The following TPCN2 variants were observed in gnomAD, a reference collection of about 807,000 sequenced individuals.
The protein encoded by TPCN2 is two pore channel protein 2.
TPCN2 carries 92 observed loss-of-function variants against 111.4 expected under a neutral mutation model. The observed-to-expected ratio is 0.83, with a 90% CI of 0.70 to 0.98. The LOEUF (loss-of-function observed/expected upper bound fraction) is 0.98. Among genes scored for constraint, TPCN2 ranks in the 50% least tolerant of loss-of-function variants. The pLI, the probability that TPCN2 is intolerant of heterozygous loss-of-function variation, is 0.00. For missense variants in TPCN2, 995 were observed against 980.1 expected, an observed-to-expected ratio of 1.02 and a Z score of -0.20; for synonymous variants, 405 against 414.5, an observed-to-expected ratio of 0.98 and a Z score of 0.28.
chr11:69,081,305 C>T, intron 17 of TPCN2, 95 bp from the exon 18 acceptor site: 1 of 770,618 alleles, frequency 1.3e-6, no homozygotes, highest in Non-Finnish European at 2.1e-6. Flanking sequence ...CTGTTGCCCT[C>T]CCTGCGCCTC....
chr11:69,070,058 T>C (rs892175107), intron 8 of TPCN2, among the ~76,000 whole-genome samples: 3 of 151,260 alleles, frequency 2.0e-5, no homozygotes, highest in Non-Finnish European at 4.4e-5. Context: ...GGTGCCATGC[T>C]CTGTCACCCA....
Position 69,083,993 on chromosome 11 carries a change from C to G in TPCN2, c.1738C>G (p.Arg580Gly). ...CGTCCTGGGCCTGGTGCAGAACATG[C>G]GTGCGTTTGGCGGGATCCTGGTGGT... ...STVLGLVQNM[R>G]AFGGILVVVY... is the part of the protein sequence containing the mutation. Residue 580 changes from arginine (R) to glycine (G), a missense_variant, in exon 19 of 25, where the codon CGT becomes GGT. Physicochemically the swap from Arg to Gly is moderately radical, Grantham distance 125. Transcript: ENST00000294309. 13 of 1,614,098 alleles carry G rather than the reference C, an allele frequency of 8.1e-6. No homozygotes were observed. The highest frequency in any genetic ancestry group is 1.1e-5 in the Non-Finnish European group (13 of 1,180,014).
At chr11:69,075,337 T>C (rs1296406224) in intron 13 of TPCN2, among the ~76,000 whole-genome samples, 1 of 152,208 alleles carries the variant, frequency 6.6e-6, no homozygotes, top group Non-Finnish European at 1.5e-5. Context: ...TTAAGTCTCT[T>C]AAGATGATGT....
At chr11:69,055,859 TC>T in intron 4 of TPCN2, among the ~76,000 whole-genome samples, 1 of 152,216 alleles carries the variant, frequency 6.6e-6, no homozygotes, top group Admixed American at 6.5e-5. Context: ...GCCCAGGTGG[TC>T]CCTCCTCAAG....
chr11:69,084,157 C>A, intron 19 of TPCN2, 141 bp downstream of exon 19: 1 of 809,120 alleles, frequency 1.2e-6, no homozygotes, highest in Non-Finnish European at 2.1e-6. Flanking sequence ...TTCCTGAGGC[C>A]AGGGAAGTAC....
At chr11:69,058,782 C>G (rs1254020510) in intron 5 of TPCN2, among the ~76,000 whole-genome samples, 1 of 152,250 alleles carries the variant, frequency 6.6e-6, no homozygotes, top group South Asian at 2.1e-4. Context: ...GCAGCCTCCT[C>G]CCTGCAAAGG....
chr11:69,060,249 T>C (rs7930211), intron 5 of TPCN2, among the ~76,000 whole-genome samples: 137,204 of 152,298 alleles, frequency 0.9, 62,658 homozygotes, highest in Non-Finnish European at 0.99. Context: ...CTTTCCCTTC[T>C]GCAGCATCCG....
Position 69,088,015 on chromosome 11 carries a change from G to T in TPCN2, c.*62G>T. The T allele has an allele frequency of 1.4e-6, 2 of 1,448,846 alleles. No homozygotes were observed. The highest frequency in any genetic ancestry group is 1.9e-6 in the Non-Finnish European group (2 of 1,065,358). The allele number at this position is 1,448,846 out of a possible 1,614,324, so 89.7% of individuals were successfully genotyped here. ...GAGAGGCTGGCCTACACAGGTGCCC[G>T]TCATGGAAGAGGCGGCCATGCTGTG... On this transcript the variant is annotated 3_prime_UTR_variant, in exon 25 of 25. Coordinates refer to ENST00000294309, the MANE Select transcript of TPCN2 (RefSeq NM_139075.4).
At chr11:69,081,602 C>A in intron 18 of TPCN2, 103 bp downstream of exon 18, 1 of 817,016 alleles carries the variant, frequency 1.2e-6, no homozygotes, top group Non-Finnish European at 1.9e-6. Flanking sequence ...GAGGACTGTG[C>A]CCGTCACCCT....
Position 69,079,829 on chromosome 11 carries a change from T to G in TPCN2, c.1540-5T>G, listed in dbSNP as rs761430266. On this transcript the variant is annotated splice_region_variant and splice_polypyrimidine_tract_variant and intron_variant, in intron 16 of 24. Coordinates refer to ENST00000294309, the MANE Select transcript of TPCN2 (RefSeq NM_139075.4). ...GCGAAGCCTTCTTTTCTTTTGTAAT[T>G]AAAGGTTTTGGAGATCTCAACTCTG... is the stretch of plus-strand genomic sequence containing the variant. 6.8e-6 allele frequency: 11 copies of G among 1,613,408 alleles called. No homozygotes were observed. In the South Asian group the frequency reaches 8.8e-5, roughly 13 times the overall value.
In TPCN2 at chr11:69,072,631, G is replaced by A; in HGVS notation, c.1066G>A (p.Gly356Arg). The A allele has an allele frequency of 1.2e-6, 2 of 1,613,866 alleles. No individual in the cohort carries two copies. The highest frequency in any genetic ancestry group is 1.7e-6 in the Non-Finnish European group (2 of 1,179,974). ...GCTGTGGGTTTTTCCCTGCAGAGTTGGGGTGAAGCCCCAGAACTTGCTGCA... is the reference window on the plus strand; with the variant it reads ...GCTGTGGGTTTTTCCCTGCAGAGTTAGGGTGAAGCCCCAGAACTTGCTGCA... ...GEGGAFPQAV[G>R]VKPQNLLQVL... The change falls in exon 12 of 25, where the codon GGG becomes AGG. Residue 356 changes from glycine to arginine, a missense_variant. Gly to Arg is a moderately radical substitution (Grantham distance 125). Transcript: ENST00000294309.
At chr11:69,071,105 TCCCCCACCAACAGC>T in intron 9 of TPCN2, among the ~76,000 whole-genome samples, 2 of 48,764 alleles carry the variant, frequency 4.1e-5, no homozygotes, top group Non-Finnish European at 5.3e-5. Flanking sequence ...ACCCCAGGGA[TCCCCCACCAACAGC>T]TTCACCCCAG....
chr11:69,085,711 G>A lies in TPCN2; in HGVS notation c.1879G>A (p.Glu627Lys), dbSNP rs368908999. The change falls in exon 21 of 25, where the codon GAG (glutamate) becomes AAG (lysine). Residue 627 changes from glutamate to lysine, a missense_variant. Physicochemically the swap from Glu to Lys is moderately conservative, Grantham distance 56 (BLOSUM62 1). Transcript: ENST00000294309. ...ANGSAPCGSF[E>K]QLEYWANNFD... ...TGGCTCGGCGCCCTGTGGGAGCTTCGAGCAGCTGGAGTACTGGGCCAACAA... is the reference window on the plus strand; with the variant it reads ...TGGCTCGGCGCCCTGTGGGAGCTTCAAGCAGCTGGAGTACTGGGCCAACAA... 3.1e-6 allele frequency: 5 copies of A among 1,614,014 alleles called. No individual in the cohort carries two copies. The South Asian group carries it at 4.4e-5, about 14-fold the overall frequency.
intron 20 of TPCN2, 139 bp from the exon 21 acceptor site, chr11:69,085,532 T>A: frequency 2.7e-6 from 2 of 729,288 alleles, no homozygotes; most frequent in Middle Eastern, 7.8e-4. Context: ...AGCAGCACTT[T>A]CCCTGCCCTC....
intron 16 of TPCN2, chr11:69,079,574 C>T: frequency 2.1e-6 from 1 of 480,984 alleles, no homozygotes; most frequent in Non-Finnish European, 3.7e-6. Context: ...TGCAGTCTGT[C>T]CTTGACTCAG....
chr11:69,072,259 A>G, intron 11 of TPCN2, among the ~76,000 whole-genome samples: 1 of 152,066 alleles, frequency 6.6e-6, no homozygotes. Context: ...TGAAGGGCCG[A>G]GTGGCCCGGC....
chr11:69,054,646 G>A (rs1854668719), intron 2 of TPCN2, 75 bp from the exon 3 acceptor site: 2 of 1,378,056 alleles, frequency 1.5e-6, no homozygotes, highest in South Asian at 1.2e-5. Context: ...CCTGTCTCGT[G>A]TGTGGTGTGG....
chr11:69,067,904 A>T (rs4930648), intron 8 of TPCN2, among the ~76,000 whole-genome samples: 139,136 of 152,114 alleles, frequency 0.91, 64,444 homozygotes, highest in Non-Finnish European at 1. Flanking sequence ...CTCCTTGTCT[A>T]CTCACTCCTC....
chr11:69,089,184 T>C lies in TPCN2; in HGVS notation c.*1231T>C, dbSNP rs902003392. 3.4e-4 allele frequency: 52 copies of C among 152,352 alleles called. No individual in the cohort carries two copies. The highest frequency in any genetic ancestry group is 4.6e-4 in the African/African-American group (19 of 41,552). 9.4% of individuals were successfully genotyped at this position (152,352 alleles called of 1,614,324 possible). ...AACAACAGTGCAGTCGGTATCGAGA[T>C]TGGGGAGAGGAGCGAGTCCAAGGAG... On this transcript the variant is annotated 3_prime_UTR_variant, in exon 25 of 25. Coordinates refer to ENST00000294309, the MANE Select transcript of TPCN2 (RefSeq NM_139075.4).
Sources: gnomAD v4.1 joint callset for allele counts (sites outside exome capture counted in the v4.1 genomes callset) on GRCh38, gnomAD v4.1.1 for gene constraint, MANE v1.5 for transcripts, NCBI Gene and HGNC (gene_info 2026-07-23, HGNC 2026-07-21) for gene names.